The following ACADL variants were observed in gnomAD, a reference collection of about 807,000 sequenced individuals.
ACADL encodes long-chain specific acyl-CoA dehydrogenase, mitochondrial.
ACADL carries 60 observed loss-of-function variants against 56.9 expected under a neutral mutation model. The ratio of observed to expected loss-of-function variants is 1.05; its 90% CI spans 0.86 to 1.31. The LOEUF is 1.31. ACADL is among the 50% of genes most tolerant of loss of function. The pLI is 0.00. For missense variants in ACADL, 484 were observed against 525.5 expected (o/e 0.92, Z 0.77); for synonymous variants, 158 against 179.7 (o/e 0.88, Z 0.97).
At chr2:210,198,609 G>GCAGTAATAA (rs1348890923) in intron 8 of ACADL, among the ~76,000 whole-genome samples, 2 of 152,082 alleles carry the variant, frequency 1.3e-5, no homozygotes, top group Admixed American at 1.3e-4. Flanking sequence ...GCACTTCTGG[G>GCAGTAATAA]CAGTAATAAC....
At chr2:210,216,981 G>A (rs1308945331) in intron 3 of ACADL, among the ~76,000 whole-genome samples, 1 of 151,732 alleles carries the variant, frequency 6.6e-6, no homozygotes, top group Non-Finnish European at 1.5e-5. Context: ...AGTGAATTTT[G>A]TACTTTGCTA....
At chr2:210,200,716 G>T (rs1290837025) in intron 8 of ACADL, among the ~76,000 whole-genome samples, 1 of 152,044 alleles carries the variant, frequency 6.6e-6, no homozygotes, top group Non-Finnish European at 1.5e-5. Context: ...TTTTTTTCAG[G>T]ATGGAAAAAG....
At chr2:210,197,272 T>G (rs1688725453) in intron 8 of ACADL, among the ~76,000 whole-genome samples, 1 of 152,168 alleles carries the variant, frequency 6.6e-6, no homozygotes, top group Non-Finnish European at 1.5e-5. Context: ...ATGAGAAGGT[T>G]GGCACCCCAC....
Position 210,218,042 on chromosome 2 carries a change from C to T in ACADL, c.294G>A (p.Leu98=), listed in dbSNP as rs752087910. 3.0e-5 allele frequency: 48 copies of T among 1,613,940 alleles called. 1 individual carries two copies. In the South Asian group the frequency reaches 5.2e-4, roughly 17 times the overall value. ...GATGCTCTGCAATATTGACACCAAG[C>T]AGTCCTTGTTTTCCAGCTTTTTCCC... ...EVWEKAGKQG[L]LGVNIAEHLG... The change falls in exon 3 of 11, where the codon CTG becomes CTA. Residue 98 remains leucine, a synonymous_variant. Coordinates refer to ENST00000233710, the MANE Select transcript of ACADL (RefSeq NM_001608.4).
At chr2:210,192,332 CAAA>C (rs1688647196) in intron 10 of ACADL, among the ~76,000 whole-genome samples, 1 of 151,648 alleles carries the variant, frequency 6.6e-6, no homozygotes, top group Admixed American at 6.6e-5. Flanking sequence ...ACTAAAAATA[CAAA>C]AAAATTAGCC....
At chr2:210,221,236 C>T (rs1689171582) in intron 1 of ACADL, among the ~76,000 whole-genome samples, 1 of 152,120 alleles carries the variant, frequency 6.6e-6, no homozygotes, top group South Asian at 2.1e-4. Flanking sequence ...ACCAGAATCA[C>T]ACAATTTCAA....
At chr2:210,200,418 T>C (rs1271225427) in intron 8 of ACADL, among the ~76,000 whole-genome samples, 1 of 152,206 alleles carries the variant, frequency 6.6e-6, no homozygotes, top group African/African-American at 2.4e-5. Context: ...ATACAAGTTA[T>C]ACCTCCAGTC....
Position 210,216,591 on chromosome 2 carries a change from C to G in ACADL, c.372-80G>C, listed in dbSNP as rs1559640781. ...TATTATAACAACAATGTATTAAGGT[C>G]CTATCAAATTGTTTGGTAGTGGCCT... On this transcript the variant is annotated intron_variant, in intron 3 of 10. Coordinates refer to ENST00000233710, the MANE Select transcript of ACADL (RefSeq NM_001608.4). The G allele has an allele frequency of 3.0e-6, 4 of 1,353,100 alleles. No homozygotes were observed. In the East Asian group the frequency reaches 9.9e-5, roughly 33 times the overall value. The allele number at this position is 1,353,100 out of a possible 1,614,324, so 83.8% of individuals were successfully genotyped here.
chr2:210,224,717 G>C, intron 1 of ACADL: 1 of 987,516 alleles, frequency 1.0e-6, no homozygotes, highest in Non-Finnish European at 1.2e-6. Flanking sequence ...ACTGAGTCCG[G>C]GTCCCAAGTT....
At chr2:210,224,951 C>G (rs887158212) in intron 1 of ACADL, 1 of 1,352,450 alleles carries the variant, frequency 7.4e-7, no homozygotes, top group East Asian at 3.2e-5. Flanking sequence ...GACGTGGGCT[C>G]GGCGGTCTGT....
intron 2 of ACADL, among the ~76,000 whole-genome samples, chr2:210,219,085 C>A (rs1319405248): frequency 6.6e-6 from 1 of 152,180 alleles, no homozygotes; most frequent in Non-Finnish European, 1.5e-5. Context: ...ACTGACACTA[C>A]AAAAATTTTT....
At chr2:210,197,294 CT>C (rs1688726149) in intron 8 of ACADL, among the ~76,000 whole-genome samples, 1 of 151,934 alleles carries the variant, frequency 6.6e-6, no homozygotes, top group Admixed American at 6.6e-5. Context: ...CCTTCCATCT[CT>C]GTATTCTGGC....
intron 10 of ACADL, among the ~76,000 whole-genome samples, chr2:210,190,961 G>A (rs1688624026): frequency 1.4e-5 from 2 of 147,074 alleles, no homozygotes. Context: ...CTGTCGCCCA[G>A]GCTGGAGTGC....
chr2:210,190,944 T>C (rs1426931952), intron 10 of ACADL, among the ~76,000 whole-genome samples: 1 of 147,526 alleles, frequency 6.8e-6, no homozygotes, highest in African/African-American at 2.5e-5. Context: ...TTTGAGACAG[T>C]CTCACTCTGT....
In ACADL at chr2:210,203,462, G is replaced by C. The variant is rs1457511031; in HGVS notation, c.871-18C>G. The C allele has an allele frequency of 1.3e-6, 2 of 1,525,704 alleles. No individual in the cohort carries two copies. The highest frequency in any genetic ancestry group is 9.1e-7 in the Non-Finnish European group (1 of 1,102,626). The allele number at this position is 1,525,704 out of a possible 1,614,324, so 94.5% of individuals were successfully genotyped here. A position where few individuals can be genotyped will look rare whatever the true frequency, so the allele number is the denominator to read the frequency against. On this transcript the variant is annotated intron_variant, in intron 7 of 10. Transcript: ENST00000233710. ...AGCCTTTCCTATAACACAAAAATTA[G>C]GTCTTAAACATTACTCTAATTATGC...
intron 4 of ACADL, among the ~76,000 whole-genome samples, chr2:210,212,048 G>A (rs1688990920): frequency 6.6e-6 from 1 of 151,796 alleles, no homozygotes; most frequent in South Asian, 2.1e-4. Context: ...GGCCAGGCTG[G>A]TCTTGAACTC....
chr2:210,223,625 T>C (rs886210519), intron 1 of ACADL, among the ~76,000 whole-genome samples: 1 of 152,212 alleles, frequency 6.6e-6, no homozygotes, highest in Non-Finnish European at 1.5e-5. Context: ...TTTCTTGCCA[T>C]GCTTCAATCA....
intron 4 of ACADL, 23 bp downstream of exon 4, chr2:210,216,324 A>G (rs780612373): frequency 5.6e-6 from 9 of 1,612,686 alleles, no homozygotes; most frequent in Non-Finnish European, 7.6e-6. Flanking sequence ...CAAGAATCCA[A>G]AGCCAACTAA....
chr2:210,190,054 C>A (rs1270946604), intron 10 of ACADL, among the ~76,000 whole-genome samples: 1 of 151,408 alleles, frequency 6.6e-6, no homozygotes, highest in Non-Finnish European at 1.5e-5. Context: ...CAAGTATAAT[C>A]TTGGTGTTTT....
Sources: gnomAD v4.1 joint callset for allele counts (sites outside exome capture counted in the v4.1 genomes callset) on GRCh38, gnomAD v4.1.1 for gene constraint, MANE v1.5 for transcripts, NCBI Gene and HGNC (gene_info 2026-07-23, HGNC 2026-07-21) for gene names.